The following E2F1 variants were observed in gnomAD, a reference collection of about 807,000 sequenced individuals.
The protein encoded by E2F1 is E2F transcription factor 1, also known as transcription factor E2F1.
Under a neutral mutation model 36.9 loss-of-function variants are expected in E2F1, and 7 were observed. That is an observed-to-expected ratio of 0.19 (90% CI 0.11 to 0.36). The LOEUF is 0.36. Among genes scored for constraint, E2F1 ranks in the 10% least tolerant of loss-of-function variants. The pLI, the probability that E2F1 is intolerant of heterozygous loss-of-function variation, is 1.00. For synonymous variants in E2F1, 261 were observed against 263.1 expected, an observed-to-expected ratio of 0.99 and a Z score of 0.08; for missense variants, 406 against 573.6, an observed-to-expected ratio of 0.71 and a Z score of 2.99.
In E2F1 at chr20:33,676,996, C is replaced by T. The variant is rs1207178575; in HGVS notation, c.1067-17G>A. The T allele has an allele frequency of 6.4e-7, 1 of 1,557,292 alleles. No homozygotes were observed. Among genetic ancestry groups the T allele is most frequent in the East Asian group, 2.3e-5 (1 of 43,132 alleles). On this transcript the variant is annotated splice_polypyrimidine_tract_variant and intron_variant, in intron 6 of 6. Coordinates refer to ENST00000343380, the MANE Select transcript of E2F1 (RefSeq NM_005225.3). ...ACAGCGGTTCTGGGGAGACGGGGAG[C>T]ATCACAGGCCGGGGATGCCCCAGCA...
chr20:33,677,371 GACC>G, intron 5 of E2F1, 41 bp from the exon 6 acceptor site: 2 of 1,609,938 alleles, frequency 1.2e-6, no homozygotes, highest in Non-Finnish European at 1.7e-6. Context: ...AGGCCCAGGT[GACC>G]ACCAGCCCAG....
At chr20:33,677,594 C>A in intron 4 of E2F1, 54 bp from the exon 5 acceptor site, 1 of 1,385,266 alleles carries the variant, frequency 7.2e-7, no homozygotes, top group South Asian at 1.2e-5. Flanking sequence ...TCACTCACTC[C>A]AACAGCTCAC....
Position 33,676,909 on chromosome 20 carries a change from C to T in E2F1, c.1137G>A (p.Ala379=), listed in dbSNP as rs201607111. ...GCACATGCTCCAGGAGCGAGTCGGC[C>T]GCCACCAGCGGGGACAGGCGGTCCT... ...VDEDRLSPLV[A]ADSLLEHVRE... Residue 379 remains alanine (A), a synonymous_variant, in exon 7 of 7, where the codon GCG becomes GCA. Coordinates refer to ENST00000343380, the MANE Select transcript of E2F1 (RefSeq NM_005225.3). The T allele has an allele frequency of 2.9e-4, 452 of 1,568,424 alleles. 1 individual carries two copies. In the African/African-American group the frequency reaches 5.3e-3, roughly 18 times the overall value.
At chr20:33,677,895 A>AG in intron 4 of E2F1, among the ~76,000 whole-genome samples, 1 of 152,190 alleles carries the variant, frequency 6.6e-6, no homozygotes, top group Admixed American at 6.5e-5. Context: ...CCTGGGCTCA[A>AG]GTGATCCTCC....
chr20:33,680,126 T>C, intron 2 of E2F1, 152 bp from the exon 3 acceptor site: 4 of 915,238 alleles, frequency 4.4e-6, no homozygotes, highest in Non-Finnish European at 6.8e-6. Flanking sequence ...ACAGCATTCT[T>C]CTTCTGGCTG....
At chr20:33,677,384 G>A in intron 5 of E2F1, 42 bp downstream of exon 5, 1 of 1,610,464 alleles carries the variant, frequency 6.2e-7, no homozygotes, top group Non-Finnish European at 8.5e-7. Context: ...CACCAGCCCA[G>A]CCCAGCCCAG....
Position 33,679,608 on chromosome 20 carries a change from A to G in E2F1, c.572+147T>C. 2 of 697,288 alleles carry G rather than the reference A, an allele frequency of 2.9e-6. No individual in the cohort carries two copies. The highest frequency in any genetic ancestry group is 5.0e-6 in the Non-Finnish European group (2 of 396,248). 43.2% of individuals were successfully genotyped at this position (697,288 alleles called of 1,614,324 possible). A position where few individuals can be genotyped will look rare whatever the true frequency, so the allele number is the denominator to read the frequency against. On this transcript the variant is annotated intron_variant, in intron 3 of 6. Coordinates refer to ENST00000343380, the MANE Select transcript of E2F1 (RefSeq NM_005225.3). The surrounding 1 kb of genome is among the most constrained non-coding windows in gnomAD (Gnocchi z 4.6). ...AAGATTTGTGTGCTTTTTACCATCT[A>G]TCATCTCAGGGAAGCTACCTCTCCT...
intron 1 of E2F1, among the ~76,000 whole-genome samples, chr20:33,684,389 AC>A (rs886937187): frequency 1.3e-5 from 2 of 151,910 alleles, no homozygotes; most frequent in Non-Finnish European, 2.9e-5. Flanking sequence ...CACCTGGCCC[AC>A]CCCTGGTACA....
At position 33,675,729 on chromosome 20, in the gene E2F1, C is replaced by T. The variant is rs2017941525; in HGVS notation, c.*1003G>A. On this transcript the variant is annotated 3_prime_UTR_variant, in exon 7 of 7. Coordinates refer to ENST00000343380, the MANE Select transcript of E2F1 (RefSeq NM_005225.3). ...AAAACCAAAGCAGGAGGGAACAGAG[C>T]TGTTAGGAAGCAAATCAAAGTGCAG... 2 of 165,516 alleles carry T rather than the reference C, an allele frequency of 1.2e-5. No individual in the cohort carries two copies. The highest frequency in any genetic ancestry group is 1.5e-4 in the East Asian group (1 of 6,520). The allele number at this position is 165,516 out of a possible 1,614,324, so 10.3% of individuals were successfully genotyped here.
rs536894303 is a variant in E2F1 at position 33,676,703 on chromosome 20, T to C, written c.*29A>G. 1 of 1,572,506 alleles carries C rather than the reference T, an allele frequency of 6.4e-7. No individual in the cohort carries two copies. Among genetic ancestry groups the C allele is most frequent in the African/African-American group, 1.4e-5 (1 of 73,730 alleles). On this transcript the variant is annotated 3_prime_UTR_variant, in exon 7 of 7. Coordinates refer to ENST00000343380, the MANE Select transcript of E2F1 (RefSeq NM_005225.3). ...GGGCTGCAGAGACAAGGTGAGCATC[T>C]CTGGAAACCCTGGTCCCTCCAAGCC...
chr20:33,683,978 G>A (rs1161458149), intron 1 of E2F1, among the ~76,000 whole-genome samples: 1 of 152,198 alleles, frequency 6.6e-6, no homozygotes, highest in African/African-American at 2.4e-5. Context: ...TGCCAGTGCA[G>A]AGAGGCCAAA....
In E2F1 at chr20:33,680,424, G is replaced by A. The variant is rs769788979; in HGVS notation, c.262-8C>T. The A allele has an allele frequency of 1.4e-5, 23 of 1,612,500 alleles. No individual in the cohort carries two copies. Among genetic ancestry groups the A allele is most frequent in the Admixed American group, 1.3e-4 (8 of 59,836 alleles). On this transcript the variant is annotated splice_region_variant and splice_polypyrimidine_tract_variant and intron_variant, in intron 1 of 6. Transcript: ENST00000343380. The stretch of plus-strand genomic sequence containing the variant: ...GTCCAGCCTCCGCTTCACCTGTGGC[G>A]AAAACGGGAGGATGCCCAGTAACCA...
intron 1 of E2F1, among the ~76,000 whole-genome samples, chr20:33,683,162 A>G (rs2018032569): frequency 6.6e-6 from 1 of 152,210 alleles, no homozygotes; most frequent in Non-Finnish European, 1.5e-5. Context: ...TTAAGAGTTA[A>G]GTTTTTGGCC....
Position 33,686,192 on chromosome 20 carries a change from G to A in E2F1, c.73C>T (p.Leu25=). 9.6e-7 allele frequency: 1 copy of A among 1,044,088 alleles called. No homozygotes were observed. Among genetic ancestry groups the A allele is most frequent in the Non-Finnish European group, 1.2e-6 (1 of 869,348 alleles). The allele number at this position is 1,044,088 out of a possible 1,614,324, so 64.7% of individuals were successfully genotyped here. ...ATCTGCGAGGAGTCGAGCAGCCGCA[G>A]CGCGCCGGCCCCGAGCAGGGCCTCC... The part of the protein sequence containing the change: ...ALEALLGAGA[L]RLLDSSQIVI... Residue 25 remains leucine, a synonymous_variant, in exon 1 of 7, where the codon CTG becomes TTG. Coordinates refer to ENST00000343380, the MANE Select transcript of E2F1 (RefSeq NM_005225.3).
intron 2 of E2F1, 31 bp downstream of exon 2, chr20:33,680,295 G>T: frequency 6.2e-7 from 1 of 1,602,416 alleles, no homozygotes. Context: ...CTGGTCACAG[G>T]GGGTCTGCCC....
chr20:33,686,132 G>GGGCGCTGGCGTCCTGCGC lies in E2F1; in HGVS notation c.115_132dup (p.Ala39_Ala44dup). On this transcript the variant is annotated inframe_insertion, in exon 1 of 7. Transcript: ENST00000343380. ...GCCGCGGGGCCGGTGGGAGCCGGCG[G>GGGCGCTGGCGTCCTGCGC]GGCGCTGGCGTCCTGCGCGGCGGAG... The GGGCGCTGGCGTCCTGCGC allele has an allele frequency of 9.4e-7, 1 of 1,060,994 alleles. No homozygotes were observed. The highest frequency in any genetic ancestry group is 1.1e-6 in the Non-Finnish European group (1 of 880,852). The allele number at this position is 1,060,994 out of a possible 1,614,324, so 65.7% of individuals were successfully genotyped here.
rs909038018 is a variant in E2F1 at position 33,679,262 on chromosome 20, C to T, written c.572+493G>A. ...CCAGATGAATAAATATATAAAGCTG[C>T]GCGGGGCGCAGTGGCTCATGCCTGT... On this transcript the variant is annotated intron_variant, in intron 3 of 6. Coordinates refer to ENST00000343380, the MANE Select transcript of E2F1 (RefSeq NM_005225.3). This position sits in a 1 kb window ranked among gnomAD's most constrained non-coding sequence, Gnocchi z 4.6. Among the ~76,000 whole-genome samples the T allele has an allele frequency of 7.2e-5, 11 of 152,062 alleles. No homozygotes were observed. Among genetic ancestry groups the T allele is most frequent in the African/African-American group, 2.2e-4 (9 of 41,414 alleles).
chr20:33,681,499 A>C (rs1276130462), intron 1 of E2F1, among the ~76,000 whole-genome samples: 1 of 152,126 alleles, frequency 6.6e-6, no homozygotes, highest in African/African-American at 2.4e-5. Flanking sequence ...TTTTCCAGAT[A>C]AGGCAACTAA....
intron 1 of E2F1, among the ~76,000 whole-genome samples, 156 bp from the exon 2 acceptor site, chr20:33,680,572 G>T (rs1478980497): frequency 6.6e-6 from 1 of 152,224 alleles, no homozygotes; most frequent in Non-Finnish European, 1.5e-5. Context: ...TAGCCTGAGA[G>T]TCACAGTCCT....
Sources: allele counts gnomAD v4.1 joint callset (sites outside exome capture counted in the v4.1 genomes callset), GRCh38; gene constraint gnomAD v4.1.1; non-coding constraint Gnocchi (gnomAD v3.1); transcripts MANE v1.5; gene names NCBI Gene and HGNC (gene_info 2026-07-23, HGNC 2026-07-21).